Variants in RYR1 observed in about 807,000 individuals in gnomAD.
RYR1 encodes central core disease of muscle.
In RYR1, 342 loss-of-function variants were observed where a neutral mutation model predicts 583.5. That is an observed-to-expected ratio of 0.59 (90% confidence interval 0.54 to 0.64). RYR1 has a LOEUF of 0.64. RYR1 is among the 30% of genes least tolerant of loss of function. RYR1 has a pLI of 0.00. For synonymous variants in RYR1, 2,791 were observed against 2,822.5 expected, an observed-to-expected ratio of 0.99 and a Z score of 0.35; for missense variants, 6,032 against 6,917.2, an observed-to-expected ratio of 0.87 and a Z score of 4.54.
intron 57 of RYR1, 58 bp from the exon 58 acceptor site, chr19:38,507,654 G>T: frequency 9.1e-7 from 1 of 1,097,828 alleles, no homozygotes; most frequent in South Asian, 1.2e-5. Context: ...ACCTGAGAAG[G>T]GTGGGAAACT....
chr19:38,486,285 C>T, intron 34 of RYR1, 83 bp downstream of exon 34: 2 of 1,508,292 alleles, frequency 1.3e-6, no homozygotes, highest in Non-Finnish European at 9.2e-7. Context: ...CAATCCTCCT[C>T]TATTTATGCA....
At position 38,451,830 on chromosome 19, in the gene RYR1, T is replaced by C; in HGVS notation, c.1189T>C (p.Ser397Pro). The part of the protein sequence containing the change: ...LSLTRCQQEE[S>P]QAARMIHSTN... ...GCTGACCCGCTGCCAGCAGGAGGAGTCCCAGGCCGCCCGCATGATCCACAG... is the reference window on the plus strand; with the variant it reads ...GCTGACCCGCTGCCAGCAGGAGGAGCCCCAGGCCGCCCGCATGATCCACAG... The change falls in exon 12 of 106, where the codon TCC becomes CCC. Residue 397 changes from serine (S) to proline (P), a missense_variant. Transcript: ENST00000359596. 1 of 1,613,550 alleles carries C rather than the reference T, an allele frequency of 6.2e-7. No homozygotes were observed. The highest frequency in any genetic ancestry group is 8.5e-7 in the Non-Finnish European group (1 of 1,179,872).
chr19:38,546,441 C>T lies in RYR1; in HGVS notation c.12013-4C>T, dbSNP rs780317049. 1.9e-6 allele frequency: 3 copies of T among 1,613,634 alleles called. No homozygotes were observed. The highest frequency in any genetic ancestry group is 2.2e-5 in the South Asian group (2 of 91,066). On this transcript the variant is annotated splice_polypyrimidine_tract_variant and splice_region_variant and intron_variant, in intron 87 of 105. Coordinates refer to ENST00000359596, the MANE Select transcript of RYR1 (RefSeq NM_000540.3). The stretch of plus-strand genomic sequence containing the variant: ...ACCAGCCCTCACCGAGCTGGGATCT[C>T]TAGGACTCAAGCCAGATCGAGCTGC...
rs772422894 is a variant in RYR1 at position 38,486,040 on chromosome 19, G to A, written c.5385G>A (p.Pro1795=). 8.1e-6 allele frequency: 13 copies of A among 1,612,666 alleles called. No homozygotes were observed. Among genetic ancestry groups the A allele is most frequent in the African/African-American group, 1.3e-5 (1 of 74,910 alleles). ...CAGCTGCTGGGGCAGCAGAGGCCCC[G>A]GCCCGCCTCAGCCCTGCCATCCCGC... is the stretch of plus-strand genomic sequence containing the variant. ...ALPAAGAAEA[P]ARLSPAIPLE... Residue 1795 remains proline (P), a synonymous_variant, in exon 34 of 106, where the codon CCG becomes CCA. Transcript: ENST00000359596.
intron 93 of RYR1, among the ~76,000 whole-genome samples, chr19:38,568,587 A>G (rs1039119341): frequency 6.6e-6 from 1 of 151,368 alleles, no homozygotes; most frequent in Non-Finnish European, 1.5e-5. Flanking sequence ...AATACAAAAA[A>G]AAAAAAAAAA....
At chr19:38,564,918 C>G (rs756230040) in intron 90 of RYR1, 41 bp from the exon 91 acceptor site, 14 of 1,549,292 alleles carry the variant, frequency 9.0e-6, no homozygotes, top group Admixed American at 1.9e-5. Context: ...TCCGAGCCCC[C>G]GCTGACGGCG....
chr19:38,502,746 CAGGGT>C lies in RYR1; in HGVS notation c.7835+20_7835+24del. The C allele has an allele frequency of 9.8e-7, 1 of 1,018,020 alleles. No homozygotes were observed. Among genetic ancestry groups the C allele is most frequent in the East Asian group, 3.6e-5 (1 of 28,080 alleles). The allele number at this position is 1,018,020 out of a possible 1,614,324, so 63.1% of individuals were successfully genotyped here. A position where few individuals can be genotyped will look rare whatever the true frequency, so the allele number is the denominator to read the frequency against. ...TCTGCAGGTGGAGCGGGGCAGGCTT[CAGGGT>C]GGGGCAGGGGCAGGGGCAGGGGCAG... is the stretch of plus-strand genomic sequence containing the variant. On this transcript the variant is annotated intron_variant, in intron 48 of 105. Coordinates refer to ENST00000359596, the MANE Select transcript of RYR1 (RefSeq NM_000540.3).
rs745447236 is a variant in RYR1, at chr19:38,473,562, C to A, written c.3951C>A (p.Pro1317=). The change falls in exon 28 of 106, where the codon CCC becomes CCA. Residue 1317 remains proline (P), a synonymous_variant. Transcript: ENST00000359596. The stretch of plus-strand genomic sequence containing the variant: ...TGGCACCTCCTGGCCTGCAGCCCCC[C>A]GCCGAGGACGAGGCCCGGGCGGCGG... ...TPLAPPGLQP[P]AEDEARAAEP... is the part of the protein sequence containing the mutation. 3.1e-6 allele frequency: 5 copies of A among 1,600,166 alleles called. No homozygotes were observed. Among genetic ancestry groups the A allele is most frequent in the Non-Finnish European group, 4.3e-6 (5 of 1,174,102 alleles).
Position 38,546,844 on chromosome 19 carries a change from C to A in RYR1, c.12094+318C>A, listed in dbSNP as rs532325463. ...GTGTGTGCCTGTAGACCCAGCTACT[C>A]GGGAGGCTGAGGTGGGAGGATCACC... On this transcript the variant is annotated intron_variant, in intron 88 of 105. Transcript: ENST00000359596. 4.8e-5 allele frequency among the ~76,000 whole-genome samples: 7 copies of A among 146,070 alleles called. No homozygotes were observed. In the East Asian group the frequency reaches 1.1e-3, roughly 22 times the overall value.
At chr19:38,498,863 A>G (rs530769857) in intron 42 of RYR1, among the ~76,000 whole-genome samples, 4 of 152,252 alleles carry the variant, frequency 2.6e-5, no homozygotes, top group South Asian at 2.1e-4. Context: ...CCAACCTTCT[A>G]TCTTGTTCTG....
chr19:38,444,556 C>G lies in RYR1; in HGVS notation c.538-28C>G, dbSNP rs1335342328. The G allele has an allele frequency of 2.5e-6, 4 of 1,605,516 alleles. No individual in the cohort carries two copies. Among genetic ancestry groups the G allele is most frequent in the Admixed American group, 3.4e-5 (2 of 59,568 alleles). ...CTCTCGCCCACCCCTGCAATCGTCT[C>G]TGACTGCCGCATCCTGGTGGCCCCC... On this transcript the variant is annotated intron_variant, in intron 6 of 105. Coordinates refer to ENST00000359596, the MANE Select transcript of RYR1 (RefSeq NM_000540.3). This position sits in a 1 kb window ranked among gnomAD's most constrained non-coding sequence, Gnocchi z 5.1.
Position 38,565,785 on chromosome 19 carries a change from C to CGGGGATTT in RYR1, c.13437+18_13437+19insATTTGGGG. ...AGGAAATTGGGGGTGAGAGAGCAGG[C>CGGGGATTT]GGGGTTTTGGGGTTTTGGAAAGATG... On this transcript the variant is annotated intron_variant, in intron 91 of 105. Transcript: ENST00000359596. The surrounding 1 kb of genome is among the most constrained non-coding windows in gnomAD (Gnocchi z 4.7). The CGGGGATTT allele has an allele frequency of 7.3e-7, 1 of 1,375,002 alleles. No homozygotes were observed. The highest frequency in any genetic ancestry group is 9.3e-7 in the Non-Finnish European group (1 of 1,072,792). 85.2% of individuals were successfully genotyped at this position (1,375,002 alleles called of 1,614,324 possible).
chr19:38,586,958 G>T (rs555593315), intron 105 of RYR1, among the ~76,000 whole-genome samples: 1 of 149,684 alleles, frequency 6.7e-6, no homozygotes, highest in African/African-American at 2.5e-5. Flanking sequence ...GTGACAGAGC[G>T]ATACTCCATC....
At chr19:38,516,830 G>C (rs1056464227) in intron 65 of RYR1, among the ~76,000 whole-genome samples, 10 of 152,158 alleles carry the variant, frequency 6.6e-5, no homozygotes, top group Admixed American at 6.5e-4. Context: ...CTGAGTCCTG[G>C]GTCCAGAGGC....
Position 38,565,341 on chromosome 19 carries a change from TCTGGGCAGCAGTGACGCGCG to T in RYR1, c.13013_13032del (p.Ala4338GlyfsTer238), listed in dbSNP as rs193922856. The T allele has an allele frequency of 4.8e-6, 6 of 1,254,968 alleles. No individual in the cohort carries two copies. Among genetic ancestry groups the T allele is most frequent in the Non-Finnish European group, 5.0e-6 (5 of 1,006,982 alleles). The allele number at this position is 1,254,968 out of a possible 1,614,324, so 77.7% of individuals were successfully genotyped here. Reference sequence around the variant, plus strand: ...GCGGCCACCGCAGTGGCGGCGCTGCTCTGGGCAGCAGTGACGCGCGCTGGGGCCGCTGGCGCGGGGGCGGC... The same window carrying T: ...GCGGCCACCGCAGTGGCGGCGCTGCTCTGGGGCCGCTGGCGCGGGGGCGGC... On this transcript the variant is annotated frameshift_variant, in exon 91 of 106. Transcript: ENST00000359596. LOFTEE classifies it high-confidence loss of function. This position sits in a 1 kb window ranked among gnomAD's most constrained non-coding sequence, Gnocchi z 4.7.
intron 9 of RYR1, 84 bp from the exon 10 acceptor site, chr19:38,448,271 A>G: frequency 1.3e-6 from 2 of 1,482,606 alleles, no homozygotes; most frequent in Non-Finnish European, 1.8e-6. Flanking sequence ...GTTTCTGTAA[A>G]AAAAAGAAAA....
intron 39 of RYR1, among the ~76,000 whole-genome samples, chr19:38,495,774 T>A (rs1309607083): frequency 1.3e-5 from 2 of 152,114 alleles, no homozygotes; most frequent in Non-Finnish European, 2.9e-5. Flanking sequence ...GGAATTTTTT[T>A]TTTTTATTTT....
chr19:38,522,886 G>C lies in RYR1; in HGVS notation c.10260-142G>C, dbSNP rs1971282701. Reference sequence around the variant, plus strand: ...AAAAAAATTTTTTTAATGTTCATCTGCATGGCCAGATGACCCTAGAAACCC... The same window carrying C: ...AAAAAAATTTTTTTAATGTTCATCTCCATGGCCAGATGACCCTAGAAACCC... On this transcript the variant is annotated intron_variant, in intron 67 of 105. Transcript: ENST00000359596. 3 of 712,218 alleles carry C rather than the reference G, an allele frequency of 4.2e-6. No individual in the cohort carries two copies. The East Asian group carries it at 8.1e-5, about 19-fold the overall frequency. The allele number at this position is 712,218 out of a possible 1,614,324, so 44.1% of individuals were successfully genotyped here. A position where few individuals can be genotyped will look rare whatever the true frequency, so the allele number is the denominator to read the frequency against.
At chr19:38,456,769 G>A (rs1212079931) in intron 16 of RYR1, among the ~76,000 whole-genome samples, 3 of 150,438 alleles carry the variant, frequency 2.0e-5, no homozygotes, top group Non-Finnish European at 4.4e-5. Context: ...AATGACAGCC[G>A]GGCATGGTGG....
Sources: gnomAD v4.1 joint callset for allele counts (sites outside exome capture counted in the v4.1 genomes callset) on GRCh38, gnomAD v4.1.1 for gene constraint, Gnocchi (gnomAD v3.1) non-coding constraint, MANE v1.5 for transcripts, NCBI Gene and HGNC (gene_info 2026-07-23, HGNC 2026-07-21) for gene names.